Variants in EED observed in about 807,000 individuals in gnomAD.
EED encodes the protein embryonic ectoderm development.
Under a neutral mutation model 61.0 loss-of-function variants are expected in EED, and 9 were observed. The ratio of observed to expected loss-of-function variants is 0.15; its 90% CI spans 0.09 to 0.26. The LOEUF is 0.26. Among genes scored for constraint, EED ranks in the 10% least tolerant of loss-of-function variants. The pLI, the probability that EED is intolerant of heterozygous loss-of-function variation, is 1.00. For missense variants in EED, 315 were observed against 542.3 expected (o/e 0.58, Z 4.16); for synonymous variants, 187 against 174.4 (o/e 1.07, Z -0.57).
intron 6 of EED, among the ~76,000 whole-genome samples, chr11:86,258,803 G>A (rs928613546): frequency 6.6e-6 from 1 of 151,948 alleles, no homozygotes; most frequent in African/African-American, 2.4e-5. Flanking sequence ...TGATCCGCCT[G>A]TCTCAGCCTC....
chr11:86,254,069 A>AAAG (rs1644286388), intron 3 of EED, among the ~76,000 whole-genome samples: 1 of 148,758 alleles, frequency 6.7e-6, no homozygotes, highest in Admixed American at 6.6e-5. Context: ...AAAAAAAAAA[A>AAAG]AAAAAAGAAA....
At chr11:86,269,441 C>A (rs866665853) in intron 9 of EED, among the ~76,000 whole-genome samples, 2 of 151,952 alleles carry the variant, frequency 1.3e-5, no homozygotes, top group Non-Finnish European at 1.5e-5. Flanking sequence ...AATTGCTGTC[C>A]GGTTTCTTTT....
intron 3 of EED, among the ~76,000 whole-genome samples, chr11:86,253,425 G>T (rs1426067108): frequency 6.6e-6 from 1 of 152,172 alleles, no homozygotes; most frequent in Admixed American, 6.5e-5. Context: ...GGTATAGTTT[G>T]TGCTCCAGTG....
chr11:86,270,357 T>G (rs200148901), intron 9 of EED, among the ~76,000 whole-genome samples: 286 of 2,898 alleles, frequency 0.099, 1 homozygote, highest in Non-Finnish European at 0.11. Flanking sequence ...TTTGTTGTGT[T>G]TTTTTTTTTT....
At chr11:86,254,898 G>C (rs1487590171) in intron 3 of EED, among the ~76,000 whole-genome samples, 1 of 152,248 alleles carries the variant, frequency 6.6e-6, no homozygotes, top group Non-Finnish European at 1.5e-5. Flanking sequence ...TGGGATTACA[G>C]GCGTGAGCCA....
intron 1 of EED, among the ~76,000 whole-genome samples, chr11:86,248,796 A>G (rs918151281): frequency 9.2e-5 from 14 of 152,076 alleles, no homozygotes; most frequent in African/African-American, 2.9e-4. Flanking sequence ...AGGTGGGAGG[A>G]TCCTTTGAGT....
intron 9 of EED, 66 bp downstream of exon 9, chr11:86,268,627 ATG>A (rs1387486265): frequency 1.5e-5 from 6 of 405,472 alleles, no homozygotes; most frequent in Non-Finnish European, 2.3e-5. Flanking sequence ...GTGTGTGTGT[ATG>A]TGTGTGCGCA....
Position 86,256,355 on chromosome 11 carries a change from A to C in EED, c.427-32A>C, listed in dbSNP as rs1449254078. The C allele has an allele frequency of 2.0e-6, 3 of 1,497,608 alleles. No homozygotes were observed. In the Admixed American group the frequency reaches 6.6e-5, roughly 33 times the overall value. The allele number at this position is 1,497,608 out of a possible 1,614,324, so 92.8% of individuals were successfully genotyped here. On this transcript the variant is annotated intron_variant, in intron 4 of 11. Coordinates refer to ENST00000263360, the MANE Select transcript of EED (RefSeq NM_003797.5). ...TTATTGACATGTTTCTTTTTCAAAA[A>C]CATTATGTTTCTTAACTGTGGAATT...
chr11:86,285,179 G>A, the EED span, among the ~76,000 whole-genome samples: 1 of 152,156 alleles, frequency 6.6e-6, no homozygotes, highest in Non-Finnish European at 1.5e-5. Context: ...CAGCACTTTG[G>A]GAGGCCAAGG....
At chr11:86,258,362 T>C (rs1408924086) in intron 6 of EED, among the ~76,000 whole-genome samples, 1 of 152,148 alleles carries the variant, frequency 6.6e-6, no homozygotes. Flanking sequence ...TCAGGATAAG[T>C]TATTTGAAAT....
intron 4 of EED, 60 bp downstream of exon 4, chr11:86,255,347 C>G: frequency 3.0e-6 from 4 of 1,327,680 alleles, no homozygotes; most frequent in Non-Finnish European, 4.2e-6. Context: ...AATAAGTGCA[C>G]CAAAACTTTT....
the EED span, among the ~76,000 whole-genome samples, chr11:86,286,347 A>G: frequency 1.3e-5 from 2 of 152,252 alleles, no homozygotes; most frequent in African/African-American, 2.4e-5. Context: ...GGCTGAGATG[A>G]CAAATAGGAT....
chr11:86,270,992 T>A (rs984179846), intron 9 of EED, among the ~76,000 whole-genome samples: 16 of 152,364 alleles, frequency 1.1e-4, no homozygotes, highest in Non-Finnish European at 1.6e-4. Flanking sequence ...TTTGAGCTAT[T>A]CTAATTCCTT....
At chr11:86,283,546 T>C (rs890066057), downstream of EED, among the ~76,000 whole-genome samples, 4 of 152,218 alleles carry the variant, frequency 2.6e-5, no homozygotes, top group Non-Finnish European at 4.4e-5. Flanking sequence ...GTGCCTTTCA[T>C]GTAACAGGGG....
At chr11:86,283,007 G>T (rs1298731868), downstream of EED, among the ~76,000 whole-genome samples, 2 of 152,032 alleles carry the variant, frequency 1.3e-5, no homozygotes, top group Admixed American at 1.3e-4. Flanking sequence ...GATGGTGCAT[G>T]CCTGTATTCT....
At chr11:86,280,727 A>T (rs1365570042), downstream of EED, among the ~76,000 whole-genome samples, 1 of 152,248 alleles carries the variant, frequency 6.6e-6, no homozygotes, top group Admixed American at 6.5e-5. Flanking sequence ...GGGCTAATAT[A>T]TCCTTCACTT....
Position 86,248,758 on chromosome 11 carries a change from C to A in EED, c.115-1538C>A, listed in dbSNP as rs559263587. 2.0e-5 allele frequency among the ~76,000 whole-genome samples: 3 copies of A among 152,214 alleles called. No homozygotes were observed. The South Asian group carries it at 6.2e-4, about 32-fold the overall frequency. On this transcript the variant is annotated intron_variant, in intron 1 of 11. Transcript: ENST00000263360. The stretch of plus-strand genomic sequence containing the variant: ...TTGTGGCTGGGCGCAGTGGCTCACA[C>A]CTGTAATCCCAGCACTTTAGGTGGC...
downstream of EED, among the ~76,000 whole-genome samples, chr11:86,281,848 T>C (rs1946328080): frequency 6.6e-6 from 1 of 152,208 alleles, no homozygotes; most frequent in South Asian, 2.1e-4. Context: ...TTTTCTCTTG[T>C]AGTTTCTTTT....
intron 2 of EED, among the ~76,000 whole-genome samples, chr11:86,251,337 A>G (rs1945525377): frequency 6.6e-6 from 1 of 152,202 alleles, no homozygotes; most frequent in Non-Finnish European, 1.5e-5. Context: ...TATTTACATT[A>G]ACGTACTACT....
Sources: allele counts gnomAD v4.1 joint callset (sites outside exome capture counted in the v4.1 genomes callset), GRCh38; gene constraint gnomAD v4.1.1; transcripts MANE v1.5; gene names NCBI Gene and HGNC (gene_info 2026-07-23, HGNC 2026-07-21).